The following USP17L15 variants were observed in gnomAD, a reference collection of about 807,000 sequenced individuals.
USP17L15 encodes the protein ubiquitin specific peptidase 17 like family member 15.
At position 9,235,359 on chromosome 4, in the gene USP17L15, C is replaced by A. The variant is rs1480267236; in HGVS notation, c.975C>A (p.His325Gln). Residue 325 changes from histidine (H) to glutamine (Q), a missense_variant, in exon 1 of 1, where the codon CAC becomes CAA. Physicochemically the swap from His to Gln is conservative, Grantham distance 24. Coordinates refer to ENST00000456464, the MANE Select transcript of USP17L15 (RefSeq NM_001256894.2). ...ATGTCCTCTATGCTGTGCTGGTCCA[C>A]GCTGGGTGGAGTTGTCACAACGGAC... ...LVYVLYAVLVHAGWSCHNGHY... is the reference protein window; with the variant it reads ...LVYVLYAVLVQAGWSCHNGHY... The A allele has an allele frequency of 1.5e-5, 2 of 132,150 alleles. 1 individual carries two copies. Among genetic ancestry groups the A allele is most frequent in the Admixed American group, 2.6e-4 (2 of 7,776 alleles). The allele number at this position is 132,150 out of a possible 1,614,324, so 8.2% of individuals were successfully genotyped here.
At position 9,236,026 on chromosome 4, in the gene USP17L15, C is replaced by G; in HGVS notation, c.1642C>G (p.His548Asp). The change falls in exon 1 of 1, where the codon CAC (histidine) becomes GAC (aspartate). Residue 548 changes from histidine to aspartate, a missense_variant. Coordinates refer to ENST00000456464, the MANE Select transcript of USP17L15 (RefSeq NM_001256894.2). ...ACGTAGGGGTGCACACACACACGCA[C>G]ACACACAGACACACACATAACTACA... is the stretch of plus-strand genomic sequence containing the variant. ...PTRRGAHTHAHTQTHT is the reference protein window; with the variant it reads ...PTRRGAHTHADTQTHT 1.7e-5 allele frequency: 2 copies of G among 116,008 alleles called. No homozygotes were observed. Among genetic ancestry groups the G allele is most frequent in the Non-Finnish European group, 2.9e-5 (2 of 68,452 alleles). 7.2% of individuals were successfully genotyped at this position (116,008 alleles called of 1,614,324 possible).
rs184203413 is a variant in USP17L15 at position 9,235,298 on chromosome 4, T to C, written c.914T>C (p.Leu305Pro). The change falls in exon 1 of 1, where the codon CTA (leucine) becomes CCA (proline). Residue 305 changes from leucine (L) to proline (P), a missense_variant. Transcript: ENST00000456464. The stretch of plus-strand genomic sequence containing the variant: ...TATCCTGAGTGCCTTGACATGAAGC[T>C]ATACATGTCTCAGACGAACTCAGGA... ...VQYPECLDMK[L>P]YMSQTNSGPL... is the part of the protein sequence containing the mutation. The C allele has an allele frequency of 8.3e-5, 16 of 191,912 alleles. 6 individuals are homozygous for C. The highest frequency in any genetic ancestry group is 6.2e-4 in the Admixed American group (8 of 12,882). 11.9% of individuals were successfully genotyped at this position (191,912 alleles called of 1,614,324 possible). A position where few individuals can be genotyped will look rare whatever the true frequency, so the allele number is the denominator to read the frequency against.
rs756644507 is a variant in USP17L15 at position 9,235,173 on chromosome 4, C to G, written c.789C>G (p.Ala263=). Reference sequence around the variant, plus strand: ...GTGTTTGTCTCCAGAGGGCGCCGGCCTCCAAGACGTTAACTTTACACACCT... The same window carrying G: ...GTGTTTGTCTCCAGAGGGCGCCGGCGTCCAAGACGTTAACTTTACACACCT... ...HCGVCLQRAP[A]SKTLTLHTSA... Residue 263 remains alanine (A), a synonymous_variant, in exon 1 of 1, where the codon GCC becomes GCG. Transcript: ENST00000456464. The G allele has an allele frequency of 3.8e-5, 3 of 78,396 alleles. No homozygotes were observed. Among genetic ancestry groups the G allele is most frequent in the South Asian group, 2.8e-4 (3 of 10,714 alleles). The allele number at this position is 78,396 out of a possible 1,614,324, so 4.9% of individuals were successfully genotyped here. A position where few individuals can be genotyped will look rare whatever the true frequency, so the allele number is the denominator to read the frequency against.
rs760101327 is a variant in USP17L15 at position 9,235,101 on chromosome 4, G to T, written c.717G>T (p.Gln239His). ...AGAGTGTCCAGCAAGCTTTGGAACA[G>T]TTGGTGAAGCCCGAAGAACTCAATG... is the stretch of plus-strand genomic sequence containing the variant. ...AAQSVQQALEQLVKPEELNGE... is the reference protein window; with the variant it reads ...AAQSVQQALEHLVKPEELNGE... Residue 239 changes from glutamine to histidine, a missense_variant, in exon 1 of 1, where the codon CAG becomes CAT. Physicochemically the swap from Gln to His is conservative, Grantham distance 24. Coordinates refer to ENST00000456464, the MANE Select transcript of USP17L15 (RefSeq NM_001256894.2). 7 of 63,118 alleles carry T rather than the reference G, an allele frequency of 1.1e-4. No individual in the cohort carries two copies. The East Asian group carries it at 1.6e-3, about 14-fold the overall frequency. 3.9% of individuals were successfully genotyped at this position (63,118 alleles called of 1,614,324 possible).
Position 9,235,871 on chromosome 4 carries a change from A to T in USP17L15, c.1487A>T (p.His496Leu). Residue 496 changes from histidine to leucine, a missense_variant, in exon 1 of 1, where the codon CAT becomes CTT. Physicochemically the swap from His to Leu is moderately conservative, Grantham distance 99. Transcript: ENST00000456464. The part of the protein sequence containing the change: ...LLNLSSTTPT[H>L]QESMNTGTLA... ...AACCTCTCTTCGACGACCCCGACACATCAGGAGTCCATGAACACTGGCACA... is the reference window on the plus strand; with the variant it reads ...AACCTCTCTTCGACGACCCCGACACTTCAGGAGTCCATGAACACTGGCACA... The T allele has an allele frequency of 2.7e-5, 2 of 73,442 alleles. 1 individual carries two copies. Among genetic ancestry groups the T allele is most frequent in the Non-Finnish European group, 5.0e-5 (2 of 39,994 alleles). The allele number at this position is 73,442 out of a possible 1,614,324, so 4.5% of individuals were successfully genotyped here. A position where few individuals can be genotyped will look rare whatever the true frequency, so the allele number is the denominator to read the frequency against.
Position 9,235,972 on chromosome 4 carries a change from C to A in USP17L15, c.1588C>A (p.Gln530Lys), listed in dbSNP as rs1461758505. 1.1e-5 allele frequency: 2 copies of A among 184,088 alleles called. 1 individual carries two copies. The highest frequency in any genetic ancestry group is 1.0e-4 in the South Asian group (2 of 19,094). The allele number at this position is 184,088 out of a possible 1,614,324, so 11.4% of individuals were successfully genotyped here. The change falls in exon 1 of 1, where the codon CAG (glutamine) becomes AAG (lysine). Residue 530 changes from glutamine (Q) to lysine (K), a missense_variant. Coordinates refer to ENST00000456464, the MANE Select transcript of USP17L15 (RefSeq NM_001256894.2). ...CAGCAAGAGGGCTCTGCTTGTGTGC[C>A]AGTGGTCTCAGTGGAAGTACCGACC... ...KHSKRALLVC[Q>K]WSQWKYRPTR...
Position 9,234,772 on chromosome 4 carries a change from G to A in USP17L15, c.388G>A (p.Ala130Thr). Reference protein sequence around the residue: ...HKGCMLCTMQAHITRALHNPG... With the variant: ...HKGCMLCTMQTHITRALHNPG... ...GGGCTGCATGCTCTGTACGATGCAA[G>A]CTCACATCACACGGGCCCTCCACAA... is the stretch of plus-strand genomic sequence containing the variant. Residue 130 changes from alanine to threonine, a missense_variant, in exon 1 of 1, where the codon GCT becomes ACT. Ala to Thr is a moderately conservative substitution (Grantham distance 58, BLOSUM62 0). Coordinates refer to ENST00000456464, the MANE Select transcript of USP17L15 (RefSeq NM_001256894.2). 8.1e-5 allele frequency: 2 copies of A among 24,638 alleles called. No individual in the cohort carries two copies. Among genetic ancestry groups the A allele is most frequent in the South Asian group, 3.5e-4 (2 of 5,780 alleles). 1.5% of individuals were successfully genotyped at this position (24,638 alleles called of 1,614,324 possible).
Position 9,235,234 on chromosome 4 carries a change from T to C in USP17L15, c.850T>C (p.Ser284Pro), listed in dbSNP as rs1477280871. Residue 284 changes from serine (S) to proline (P), a missense_variant, in exon 1 of 1, where the codon TCC becomes CCC. Ser to Pro is a moderately conservative substitution (Grantham distance 74). Coordinates refer to ENST00000456464, the MANE Select transcript of USP17L15 (RefSeq NM_001256894.2). The part of the protein sequence containing the change: ...KVLILVLKRF[S>P]DVTGNKIDKN... Reference sequence around the variant, plus strand: ...CCTCATCCTTGTATTGAAGAGATTCTCCGATGTCACAGGCAACAAGATTGA... The same window carrying C: ...CCTCATCCTTGTATTGAAGAGATTCCCCGATGTCACAGGCAACAAGATTGA... 3.1e-5 allele frequency: 5 copies of C among 162,682 alleles called. 2 individuals carry two copies. Among genetic ancestry groups the C allele is most frequent in the Non-Finnish European group, 4.5e-5 (5 of 110,582 alleles). The allele number at this position is 162,682 out of a possible 1,614,324, so 10.1% of individuals were successfully genotyped here. A position where few individuals can be genotyped will look rare whatever the true frequency, so the allele number is the denominator to read the frequency against.
Position 9,234,711 on chromosome 4 carries a change from G to C in USP17L15, c.327G>C (p.Leu109=). 8.3e-5 allele frequency: 1 copy of C among 12,000 alleles called. No homozygotes were observed. The allele number at this position is 12,000 out of a possible 1,614,324, so 0.7% of individuals were successfully genotyped here. A position where few individuals can be genotyped will look rare whatever the true frequency, so the allele number is the denominator to read the frequency against. The change falls in exon 1 of 1, where the codon CTG becomes CTC. Residue 109 remains leucine, a synonymous_variant. Coordinates refer to ENST00000456464, the MANE Select transcript of USP17L15 (RefSeq NM_001256894.2). ...CACCGCCCCTTGCCAACTACATGCT[G>C]TCCCGGGAGCACTCTCAAACGTGTC... ...TYTPPLANYM[L]SREHSQTCHR... is the part of the protein sequence containing the mutation.
In USP17L15 at chr4:9,235,973, A is replaced by G; in HGVS notation, c.1589A>G (p.Gln530Arg). The G allele has an allele frequency of 1.6e-5, 3 of 184,264 alleles. 1 individual carries two copies. The highest frequency in any genetic ancestry group is 5.2e-5 in the South Asian group (1 of 19,104). 11.4% of individuals were successfully genotyped at this position (184,264 alleles called of 1,614,324 possible). Residue 530 changes from glutamine (Q) to arginine (R), a missense_variant, in exon 1 of 1, where the codon CAG becomes CGG. Coordinates refer to ENST00000456464, the MANE Select transcript of USP17L15 (RefSeq NM_001256894.2). The part of the protein sequence containing the change: ...KHSKRALLVC[Q>R]WSQWKYRPTR... ...AGCAAGAGGGCTCTGCTTGTGTGCCAGTGGTCTCAGTGGAAGTACCGACCC... is the reference window on the plus strand; with the variant it reads ...AGCAAGAGGGCTCTGCTTGTGTGCCGGTGGTCTCAGTGGAAGTACCGACCC...
rs759661206 is a variant in USP17L15 at position 9,235,906 on chromosome 4, C to A, written c.1522C>A (p.Leu508Met). Residue 508 changes from leucine to methionine, a missense_variant, in exon 1 of 1, where the codon CTG (leucine) becomes ATG (methionine). Transcript: ENST00000456464. ...CATGAACACTGGCACACTCGCTTCCCTGCGAGGGAGGGCCAGGAGATCCAA... is the reference window on the plus strand; with the variant it reads ...CATGAACACTGGCACACTCGCTTCCATGCGAGGGAGGGCCAGGAGATCCAA... ...ESMNTGTLAS[L>M]RGRARRSKGK... is the part of the protein sequence containing the mutation. 2 of 81,212 alleles carry A rather than the reference C, an allele frequency of 2.5e-5. 1 individual carries two copies. Among genetic ancestry groups the A allele is most frequent in the Non-Finnish European group, 4.4e-5 (2 of 45,688 alleles). The allele number at this position is 81,212 out of a possible 1,614,324, so 5.0% of individuals were successfully genotyped here.
At position 9,235,330 on chromosome 4, in the gene USP17L15, G is replaced by T. The variant is rs779712311; in HGVS notation, c.946G>T (p.Val316Phe). The change falls in exon 1 of 1, where the codon GTC becomes TTC. Residue 316 changes from valine (V) to phenylalanine (F), a missense_variant. Val to Phe is a conservative substitution (Grantham distance 50). Transcript: ENST00000456464. ...GTCTCAGACGAACTCAGGACCTCTC[G>T]TCTATGTCCTCTATGCTGTGCTGGT... The part of the protein sequence containing the change: ...YMSQTNSGPL[V>F]YVLYAVLVHA... The T allele has an allele frequency of 1.2e-5, 2 of 162,592 alleles. 1 individual carries two copies. The allele number at this position is 162,592 out of a possible 1,614,324, so 10.1% of individuals were successfully genotyped here.
rs1714183264 is a variant in USP17L15 at position 9,235,224 on chromosome 4, G to A, written c.840G>A (p.Leu280=). The change falls in exon 1 of 1, where the codon TTG becomes TTA. Residue 280 remains leucine (L), a synonymous_variant. Coordinates refer to ENST00000456464, the MANE Select transcript of USP17L15 (RefSeq NM_001256894.2). ...HTSAKVLILV[L]KRFSDVTGNK... ...CTGCCAAGGTCCTCATCCTTGTATT[G>A]AAGAGATTCTCCGATGTCACAGGCA... 1.4e-5 allele frequency: 2 copies of A among 147,392 alleles called. No individual in the cohort carries two copies. The highest frequency in any genetic ancestry group is 1.7e-4 in the Admixed American group (2 of 11,652). 9.1% of individuals were successfully genotyped at this position (147,392 alleles called of 1,614,324 possible). A position where few individuals can be genotyped will look rare whatever the true frequency, so the allele number is the denominator to read the frequency against.
Position 9,235,548 on chromosome 4 carries a change from C to A in USP17L15, c.1164C>A (p.Gly388=). 1.5e-5 allele frequency: 1 copy of A among 68,300 alleles called. No individual in the cohort carries two copies. The highest frequency in any genetic ancestry group is 2.7e-5 in the Non-Finnish European group (1 of 37,116). 4.2% of individuals were successfully genotyped at this position (68,300 alleles called of 1,614,324 possible). The change falls in exon 1 of 1, where the codon GGC becomes GGA. Residue 388 remains glycine (G), a synonymous_variant. Coordinates refer to ENST00000456464, the MANE Select transcript of USP17L15 (RefSeq NM_001256894.2). ...GACACAGTGAGAGTGTGTCAAGAGG[C>A]AGGGAACCAAGAGCCCTTGGCGCAG... ...WERHSESVSR[G]REPRALGAED...
Position 9,235,259 on chromosome 4 carries a change from A to T in USP17L15, c.875A>T (p.Asp292Val). 1.1e-5 allele frequency: 2 copies of T among 176,678 alleles called. No homozygotes were observed. The highest frequency in any genetic ancestry group is 6.2e-5 in the South Asian group (1 of 16,114). The allele number at this position is 176,678 out of a possible 1,614,324, so 10.9% of individuals were successfully genotyped here. A position where few individuals can be genotyped will look rare whatever the true frequency, so the allele number is the denominator to read the frequency against. ...TCCGATGTCACAGGCAACAAGATTG[A>T]CAAGAATGTGCAATATCCTGAGTGC... ...RFSDVTGNKI[D>V]KNVQYPECLD... The change falls in exon 1 of 1, where the codon GAC (aspartate) becomes GTC (valine). Residue 292 changes from aspartate (D) to valine (V), a missense_variant. Physicochemically the swap from Asp to Val is radical, Grantham distance 152. Coordinates refer to ENST00000456464, the MANE Select transcript of USP17L15 (RefSeq NM_001256894.2).
Position 9,235,264 on chromosome 4 carries a change from A to G in USP17L15, c.880A>G (p.Asn294Asp), listed in dbSNP as rs766838394. 1.7e-5 allele frequency: 3 copies of G among 180,084 alleles called. 1 individual carries two copies. The Admixed American group carries it at 2.4e-4, about 14-fold the overall frequency. 11.2% of individuals were successfully genotyped at this position (180,084 alleles called of 1,614,324 possible). The change falls in exon 1 of 1, where the codon AAT (asparagine) becomes GAT (aspartate). Residue 294 changes from asparagine to aspartate, a missense_variant. Coordinates refer to ENST00000456464, the MANE Select transcript of USP17L15 (RefSeq NM_001256894.2). ...TGTCACAGGCAACAAGATTGACAAG[A>G]ATGTGCAATATCCTGAGTGCCTTGA... ...SDVTGNKIDK[N>D]VQYPECLDMK...
In USP17L15 at chr4:9,235,314, G is replaced by T. The variant is rs1447538782; in HGVS notation, c.930G>T (p.Thr310=). The T allele has an allele frequency of 2.3e-5, 4 of 176,420 alleles. 1 individual carries two copies. In the East Asian group the frequency reaches 5.0e-4, roughly 22 times the overall value. 10.9% of individuals were successfully genotyped at this position (176,420 alleles called of 1,614,324 possible). Residue 310 remains threonine (T), a synonymous_variant, in exon 1 of 1, where the codon ACG becomes ACT. Transcript: ENST00000456464. ...CLDMKLYMSQ[T]NSGPLVYVLY... ...ACATGAAGCTATACATGTCTCAGAC[G>T]AACTCAGGACCTCTCGTCTATGTCC... is the stretch of plus-strand genomic sequence containing the variant.
chr4:9,235,361 C>A lies in USP17L15; in HGVS notation c.977C>A (p.Ala326Asp). The A allele has an allele frequency of 1.5e-5, 2 of 129,434 alleles. 1 individual carries two copies. Among genetic ancestry groups the A allele is most frequent in the Non-Finnish European group, 2.3e-5 (2 of 85,294 alleles). 8.0% of individuals were successfully genotyped at this position (129,434 alleles called of 1,614,324 possible). ...VYVLYAVLVH[A>D]GWSCHNGHYF... ...GTCCTCTATGCTGTGCTGGTCCACGCTGGGTGGAGTTGTCACAACGGACAT... is the reference window on the plus strand; with the variant it reads ...GTCCTCTATGCTGTGCTGGTCCACGATGGGTGGAGTTGTCACAACGGACAT... The change falls in exon 1 of 1, where the codon GCT becomes GAT. Residue 326 changes from alanine (A) to aspartate (D), a missense_variant. Coordinates refer to ENST00000456464, the MANE Select transcript of USP17L15 (RefSeq NM_001256894.2).
rs755279052 is a variant in USP17L15 at position 9,235,270 on chromosome 4, C to G, written c.886C>G (p.Gln296Glu). The change falls in exon 1 of 1, where the codon CAA becomes GAA. Residue 296 changes from glutamine to glutamate, a missense_variant. Physicochemically the swap from Gln to Glu is conservative, Grantham distance 29 (BLOSUM62 2). Transcript: ENST00000456464. ...VTGNKIDKNV[Q>E]YPECLDMKLY... ...AGGCAACAAGATTGACAAGAATGTGCAATATCCTGAGTGCCTTGACATGAA... is the reference window on the plus strand; with the variant it reads ...AGGCAACAAGATTGACAAGAATGTGGAATATCCTGAGTGCCTTGACATGAA... 1.1e-5 allele frequency: 2 copies of G among 184,882 alleles called. No homozygotes were observed. The highest frequency in any genetic ancestry group is 1.1e-4 in the South Asian group (2 of 18,146). 11.5% of individuals were successfully genotyped at this position (184,882 alleles called of 1,614,324 possible).
Sources: gnomAD v4.1 joint callset for allele counts on GRCh38, gnomAD v4.1.1 for gene constraint, MANE v1.5 for transcripts, NCBI Gene and HGNC (gene_info 2026-07-23, HGNC 2026-07-21) for gene names.